Variants in UBE2E2 observed in about 807,000 individuals in gnomAD.
UBE2E2 encodes the protein ubiquitin-conjugating enzyme E2 E2.
Under a neutral mutation model 24.7 loss-of-function variants are expected in UBE2E2, and 6 were observed. That is an observed-to-expected ratio of 0.24 (90% CI 0.13 to 0.48). The LOEUF (loss-of-function observed/expected upper bound fraction) is 0.48, where lower values mean the gene tolerates loss of function less well. Ranked by LOEUF, UBE2E2 falls within the 20% of genes least tolerant of loss-of-function variation. The pLI is 0.99. For missense variants in UBE2E2, 169 were observed against 245.0 expected, an observed-to-expected ratio of 0.69 and a Z score of 2.07; for synonymous variants, 104 against 83.6, an observed-to-expected ratio of 1.24 and a Z score of -1.33.
intron 3 of UBE2E2, among the ~76,000 whole-genome samples, chr3:23,444,799 A>G (rs1429999033): frequency 1.3e-5 from 2 of 152,134 alleles, no homozygotes; most frequent in African/African-American, 2.4e-5. Context: ...GCCCATTGTC[A>G]TACTTCTTTA....
intron 3 of UBE2E2, among the ~76,000 whole-genome samples, chr3:23,296,199 A>G (rs1253184191): frequency 6.6e-6 from 1 of 152,290 alleles, no homozygotes; most frequent in Middle Eastern, 3.4e-3. Context: ...TCTAAAACTC[A>G]TGATCTTATT....
intron 3 of UBE2E2, among the ~76,000 whole-genome samples, chr3:23,442,612 T>C (rs1698332719): frequency 2.6e-5 from 4 of 152,236 alleles, no homozygotes; most frequent in Admixed American, 2.6e-4. Context: ...CTATAAGATC[T>C]TATAAAAGCC....
intron 3 of UBE2E2, among the ~76,000 whole-genome samples, chr3:23,244,968 A>G (rs1697356363): frequency 6.6e-6 from 1 of 152,132 alleles, no homozygotes; most frequent in Non-Finnish European, 1.5e-5. Flanking sequence ...CATGCAGCTG[A>G]TTTAGAGCTT....
chr3:23,584,757 G>T (rs1474719543), intron 5 of UBE2E2, among the ~76,000 whole-genome samples: 6 of 129,732 alleles, frequency 4.6e-5, no homozygotes, highest in Non-Finnish European at 9.6e-5. Flanking sequence ...TTTTTGTAGA[G>T]ATGGGTTCTC....
chr3:23,521,262 C>T (rs183506248), intron 4 of UBE2E2, among the ~76,000 whole-genome samples: 142 of 152,160 alleles, frequency 9.3e-4, no homozygotes, highest in Non-Finnish European at 1.7e-3. Flanking sequence ...AGAAAAGAAA[C>T]GAAAAGGAGG....
chr3:23,274,854 T>C (rs977017218), intron 3 of UBE2E2, among the ~76,000 whole-genome samples: 1 of 152,222 alleles, frequency 6.6e-6, no homozygotes, highest in African/African-American at 2.4e-5. Flanking sequence ...TAGTATCCCT[T>C]TTTTTTGAAG....
At chr3:23,321,213 C>A (rs778144390) in intron 3 of UBE2E2, among the ~76,000 whole-genome samples, 6 of 152,126 alleles carry the variant, frequency 3.9e-5, no homozygotes, top group Non-Finnish European at 5.9e-5. Context: ...GGTTTAGGGT[C>A]GACTCTGATT....
chr3:23,470,334 G>T (rs1699008952), intron 3 of UBE2E2, among the ~76,000 whole-genome samples: 1 of 152,214 alleles, frequency 6.6e-6, no homozygotes, highest in Non-Finnish European at 1.5e-5. Context: ...CCAATCCGGG[G>T]TTTGACAGAC....
intron 3 of UBE2E2, among the ~76,000 whole-genome samples, chr3:23,240,212 G>A (rs1371484660): frequency 1.3e-5 from 2 of 152,130 alleles, no homozygotes; most frequent in Non-Finnish European, 2.9e-5. Context: ...CAGAGAATAA[G>A]GACAGTCCTT....
chr3:23,502,501 G>A (rs1317193267), intron 4 of UBE2E2, among the ~76,000 whole-genome samples: 2 of 152,094 alleles, frequency 1.3e-5, no homozygotes, highest in Non-Finnish European at 2.9e-5. Flanking sequence ...ACACTGCAGA[G>A]CTCAAATGTA....
At chr3:23,417,997 G>A (rs186123606) in intron 3 of UBE2E2, among the ~76,000 whole-genome samples, 11 of 152,276 alleles carry the variant, frequency 7.2e-5, no homozygotes, top group Admixed American at 2.0e-4. Flanking sequence ...GCTGGGCTCC[G>A]TGGGGGTGGG....
intron 3 of UBE2E2, among the ~76,000 whole-genome samples, chr3:23,218,976 G>A (rs7617072): frequency 0.63 from 95,635 of 151,986 alleles, 30,543 homozygotes; most frequent in African/African-American, 0.69. Flanking sequence ...AGCAAAATGT[G>A]TATTACAGGT....
intron 3 of UBE2E2, among the ~76,000 whole-genome samples, chr3:23,228,723 T>G (rs1453638755): frequency 6.6e-6 from 1 of 152,210 alleles, no homozygotes; most frequent in Non-Finnish European, 1.5e-5. Flanking sequence ...TCTACATACT[T>G]TAGGGACCTA....
chr3:23,477,916 T>C (rs556074966), intron 3 of UBE2E2, among the ~76,000 whole-genome samples: 153 of 152,308 alleles, frequency 1.0e-3, no homozygotes, highest in Middle Eastern at 3.4e-3. Context: ...CTTTTCCCCC[T>C]TTGCTCCTCA....
At chr3:23,552,905 G>A (rs1481504812) in intron 5 of UBE2E2, among the ~76,000 whole-genome samples, 1 of 152,060 alleles carries the variant, frequency 6.6e-6, no homozygotes, top group Non-Finnish European at 1.5e-5. Flanking sequence ...ACCAACATGT[G>A]TATAGCAAAA....
chr3:23,451,554 G>T (rs1394647867), intron 3 of UBE2E2, among the ~76,000 whole-genome samples: 1 of 152,192 alleles, frequency 6.6e-6, no homozygotes, highest in Non-Finnish European at 1.5e-5. Context: ...CTCTTAAGGA[G>T]TCTTGATTAT....
At chr3:23,447,273 G>A (rs1444061241) in intron 3 of UBE2E2, among the ~76,000 whole-genome samples, 2 of 152,170 alleles carry the variant, frequency 1.3e-5, no homozygotes, top group African/African-American at 4.8e-5. Flanking sequence ...ATAACTATTT[G>A]AGGAATGAAT....
intron 3 of UBE2E2, among the ~76,000 whole-genome samples, chr3:23,337,817 G>T (rs981807853): frequency 6.6e-6 from 1 of 152,180 alleles, no homozygotes; most frequent in African/African-American, 2.4e-5. Context: ...TTTAGGCTAC[G>T]CTGAGGATTT....
intron 3 of UBE2E2, among the ~76,000 whole-genome samples, chr3:23,267,387 CACAGAAATACAGACT>C (rs1698080065): frequency 6.6e-6 from 1 of 152,124 alleles, no homozygotes; most frequent in African/African-American, 2.4e-5. Context: ...CCACTGATCC[CACAGAAATACAGACT>C]ACCATCAGAG....
Sources: allele counts gnomAD v4.1 joint callset (sites outside exome capture counted in the v4.1 genomes callset), GRCh38; gene constraint gnomAD v4.1.1; transcripts MANE v1.5; gene names NCBI Gene and HGNC (gene_info 2026-07-23, HGNC 2026-07-21).